Variants in SCML4 observed in about 807,000 individuals in gnomAD.
The protein encoded by SCML4 is sex comb on midleg-like protein 4.
SCML4 carries 34 observed loss-of-function variants against 41.1 expected under a neutral mutation model. That is an observed-to-expected ratio of 0.83 (90% CI 0.63 to 1.10). The LOEUF is 1.10. Among genes scored for constraint, SCML4 ranks in the 50% least tolerant of loss-of-function variants. The pLI is 0.00. For synonymous variants in SCML4, 214 were observed against 220.9 expected, an observed-to-expected ratio of 0.97 and a Z score of 0.28; for missense variants, 522 against 534.1, an observed-to-expected ratio of 0.98 and a Z score of 0.22.
the SCML4 span, among the ~76,000 whole-genome samples, chr6:107,838,485 C>A: frequency 4.5e-4 from 69 of 152,266 alleles, 1 homozygote; most frequent in African/African-American, 1.6e-3. Context: ...CCATTGTCCC[C>A]GAAGGCTTGA....
At chr6:107,780,782 G>A (rs754143445) in intron 1 of SCML4, among the ~76,000 whole-genome samples, 1 of 151,728 alleles carries the variant, frequency 6.6e-6, no homozygotes, top group Non-Finnish European at 1.5e-5. Flanking sequence ...CATATCTTGG[G>A]GATAGAGAAG....
At chr6:107,759,145 A>T (rs12192260) in intron 2 of SCML4, among the ~76,000 whole-genome samples, 1 of 150,936 alleles carries the variant, frequency 6.6e-6, no homozygotes, top group African/African-American at 2.4e-5. Context: ...AAAAAAAAAA[A>T]AAAAAAAAAC....
chr6:107,724,233 C>T (rs1374650458), intron 5 of SCML4, among the ~76,000 whole-genome samples: 1 of 152,060 alleles, frequency 6.6e-6, no homozygotes. Flanking sequence ...GGATGCTGTC[C>T]CCCAAGATCA....
intron 5 of SCML4, among the ~76,000 whole-genome samples, chr6:107,740,492 G>A (rs1192678163): frequency 6.6e-6 from 1 of 152,244 alleles, no homozygotes; most frequent in East Asian, 1.9e-4. Flanking sequence ...GAACAAAGGA[G>A]AGGTGCCTGC....
chr6:107,781,669 CAAA>C (rs549589428), intron 1 of SCML4, among the ~76,000 whole-genome samples: 9 of 95,830 alleles, frequency 9.4e-5, no homozygotes, highest in Admixed American at 1.2e-4. Flanking sequence ...GACCCTGTCT[CAAA>C]AAAAAAAAAA....
chr6:107,705,171 TG>T lies in SCML4; in HGVS notation c.*28del. The T allele has an allele frequency of 6.5e-7, 1 of 1,546,520 alleles. No homozygotes were observed. On this transcript the variant is annotated 3_prime_UTR_variant, in exon 8 of 8. Coordinates refer to ENST00000369020, the MANE Select transcript of SCML4 (RefSeq NM_198081.5). Reference sequence around the variant, plus strand: ...AAGATAATCTTGGGATCTGTTGTTTTGGGTTTCGCTTCTGTCTTTTTAAAAA... The same window carrying T: ...AAGATAATCTTGGGATCTGTTGTTTTGGTTTCGCTTCTGTCTTTTTAAAAA...
intron 2 of SCML4, chr6:107,755,730 A>G: frequency 4.3e-6 from 3 of 699,866 alleles, no homozygotes; most frequent in Non-Finnish European, 5.9e-6. Flanking sequence ...CAGTTCTGAT[A>G]TAGTGGTTTC....
chr6:107,713,445 C>T (rs1256080429), intron 6 of SCML4, among the ~76,000 whole-genome samples: 1 of 152,226 alleles, frequency 6.6e-6, no homozygotes, highest in African/African-American at 2.4e-5. Context: ...GGAGTCACTT[C>T]CTCCCACAGC....
chr6:107,823,666 C>T (rs978619179), intron 1 of SCML4, among the ~76,000 whole-genome samples: 1 of 151,988 alleles, frequency 6.6e-6, no homozygotes, highest in African/African-American at 2.4e-5. Flanking sequence ...TCATAACATA[C>T]CAATTTTAAT....
In SCML4 at chr6:107,733,317, CATT is replaced by C. The variant is rs532165632; in HGVS notation, c.682+11629_682+11631del. ...TCTGCATGTCCAGATTGGAAGTTGT[CATT>C]ATTAACTCAGCAGTAGCTAGGATAG... On this transcript the variant is annotated intron_variant, in intron 5 of 7. Coordinates refer to ENST00000369020, the MANE Select transcript of SCML4 (RefSeq NM_198081.5). Among the ~76,000 whole-genome samples, 342 of 152,284 alleles carry C rather than the reference CATT, an allele frequency of 2.2e-3. 1 individual carries two copies. The highest frequency in any genetic ancestry group is 8.0e-3 in the African/African-American group (331 of 41,560).
intron 2 of SCML4, among the ~76,000 whole-genome samples, chr6:107,752,052 G>A (rs1316886610): frequency 1.3e-5 from 2 of 152,162 alleles, no homozygotes; most frequent in South Asian, 2.1e-4. Context: ...TAGCAGTGGC[G>A]GTGATGAGAA....
intron 1 of SCML4, among the ~76,000 whole-genome samples, chr6:107,822,903 G>A (rs1334437703): frequency 7.3e-6 from 1 of 136,300 alleles, no homozygotes; most frequent in African/African-American, 3.3e-5. Flanking sequence ...GTTCTACCAA[G>A]CAACACAAAA....
chr6:107,708,692 C>G (rs147507929), intron 6 of SCML4, among the ~76,000 whole-genome samples: 1 of 152,130 alleles, frequency 6.6e-6, no homozygotes, highest in Admixed American at 6.5e-5. Flanking sequence ...GGGTCTCCCC[C>G]ACTGCACTGT....
intron 1 of SCML4, among the ~76,000 whole-genome samples, chr6:107,822,125 T>C (rs193242100): frequency 0.015 from 2,199 of 150,812 alleles, 57 homozygotes; most frequent in African/African-American, 0.05. Flanking sequence ...TTTCAAATTT[T>C]AAAAATTAAA....
At chr6:107,836,272 G>A in the SCML4 span, among the ~76,000 whole-genome samples, 1 of 152,092 alleles carries the variant, frequency 6.6e-6, no homozygotes, top group Non-Finnish European at 1.5e-5. Context: ...TTAAATAGGG[G>A]AAGCACTCCG....
At chr6:107,837,549 T>G in the SCML4 span, among the ~76,000 whole-genome samples, 3 of 152,194 alleles carry the variant, frequency 2.0e-5, no homozygotes, top group African/African-American at 7.2e-5. Flanking sequence ...TTTATGATAT[T>G]TATGAGGTTT....
At position 107,749,682 on chromosome 6, in the gene SCML4, A is replaced by G; in HGVS notation, c.286+2T>C. On this transcript the variant is annotated splice_donor_variant, in intron 3 of 7. Transcript: ENST00000369020. LOFTEE classifies it high-confidence loss of function. ...GCCTTGGAGTTCATTCTGCTGACCTACCTGTGAGAGCCTGTGGGGCCGCCA... is the reference window on the plus strand; with the variant it reads ...GCCTTGGAGTTCATTCTGCTGACCTGCCTGTGAGAGCCTGTGGGGCCGCCA... 1 of 1,613,552 alleles carries G rather than the reference A, an allele frequency of 6.2e-7. No individual in the cohort carries two copies. The highest frequency in any genetic ancestry group is 8.5e-7 in the Non-Finnish European group (1 of 1,179,870).
intron 1 of SCML4, among the ~76,000 whole-genome samples, chr6:107,774,851 G>A (rs573243045): frequency 2.8e-4 from 42 of 152,052 alleles, no homozygotes; most frequent in Non-Finnish European, 5.3e-4. Context: ...GGGAAACCCC[G>A]TCTCTACTAA....
chr6:107,713,199 G>A (rs946720752), intron 6 of SCML4, among the ~76,000 whole-genome samples: 1 of 152,160 alleles, frequency 6.6e-6, no homozygotes, highest in African/African-American at 2.4e-5. Context: ...ACATCCATAC[G>A]TACATAATTT....
Sources: gnomAD v4.1 joint callset for allele counts (sites outside exome capture counted in the v4.1 genomes callset) on GRCh38, gnomAD v4.1.1 for gene constraint, MANE v1.5 for transcripts, NCBI Gene and HGNC (gene_info 2026-07-23, HGNC 2026-07-21) for gene names.